CNTNAP2: variants seen among roughly 807,000 people sequenced by gnomAD.
CNTNAP2 encodes the protein contactin-associated protein-like 2.
CNTNAP2 carries 98 observed loss-of-function variants against 155.2 expected under a neutral mutation model. The observed-to-expected ratio is 0.63, with a 90% CI of 0.54 to 0.75. The LOEUF (loss-of-function observed/expected upper bound fraction) is 0.75, where lower values mean the gene tolerates loss of function less well. CNTNAP2 is among the 30% of genes least tolerant of loss of function. The pLI is 0.00. For missense variants in CNTNAP2, 1,727 were observed against 1,688.1 expected (o/e 1.02, Z -0.40); for synonymous variants, 651 against 631.2 (o/e 1.03, Z -0.47).
At chr7:148,366,685 A>G (rs375876835) in intron 21 of CNTNAP2, among the ~76,000 whole-genome samples, 1 of 152,236 alleles carries the variant, frequency 6.6e-6, no homozygotes, top group East Asian at 1.9e-4. Flanking sequence ...GAATGCTGGT[A>G]GAGATAACAA....
intron 3 of CNTNAP2, among the ~76,000 whole-genome samples, chr7:147,020,381 G>A (rs1798798256): frequency 6.6e-6 from 1 of 152,142 alleles, no homozygotes. Context: ...CAGGGTTAAA[G>A]GGTCTAGTCT....
chr7:147,425,226 AT>A (rs1458667055), intron 10 of CNTNAP2, among the ~76,000 whole-genome samples: 1 of 142,164 alleles, frequency 7.0e-6, no homozygotes, highest in Non-Finnish European at 1.5e-5. Context: ...AAAAAAAAAA[AT>A]TGTTATTCTC....
intron 14 of CNTNAP2, among the ~76,000 whole-genome samples, chr7:147,904,226 CCTGT>C (rs1339477118): frequency 6.6e-6 from 1 of 152,168 alleles, no homozygotes; most frequent in African/African-American, 2.4e-5. Context: ...TAAGTGCTTG[CCTGT>C]CTACTTTTCT....
chr7:146,607,845 A>G (rs1799073207), intron 1 of CNTNAP2, among the ~76,000 whole-genome samples: 1 of 151,984 alleles, frequency 6.6e-6, no homozygotes, highest in Admixed American at 6.6e-5. Flanking sequence ...TCCAAACCTA[A>G]AATTTTCCCT....
At position 148,005,191 on chromosome 7, in the gene CNTNAP2, C is replaced by T. The variant is rs751220120; in HGVS notation, c.2383+27202C>T. On this transcript the variant is annotated intron_variant, in intron 15 of 23. Transcript: ENST00000361727. ...AAGGTCAGGCTCTGGTGAGGGCACT[C>T]GTCTCGGTAGCAGTCTGCCAACTTC... Among the ~76,000 whole-genome samples the T allele has an allele frequency of 5.3e-5, 8 of 152,112 alleles. No homozygotes were observed. The East Asian group carries it at 9.6e-4, about 18-fold the overall frequency.
chr7:148,021,631 C>G (rs1215416452), intron 15 of CNTNAP2, among the ~76,000 whole-genome samples: 1 of 152,216 alleles, frequency 6.6e-6, no homozygotes, highest in African/African-American at 2.4e-5. Flanking sequence ...GCGCTAGCCC[C>G]TGGGGATCCA....
chr7:146,379,669 A>G (rs763883815), intron 1 of CNTNAP2, among the ~76,000 whole-genome samples: 3 of 152,130 alleles, frequency 2.0e-5, no homozygotes, highest in South Asian at 4.1e-4. Flanking sequence ...TCTTGTGGAC[A>G]TTACATTCTC....
chr7:147,789,308 C>T (rs1339807059), intron 13 of CNTNAP2, among the ~76,000 whole-genome samples: 1 of 152,170 alleles, frequency 6.6e-6, no homozygotes, highest in Non-Finnish European at 1.5e-5. Context: ...CACAAACAAC[C>T]TTTCACTTCC....
chr7:146,537,798 G>A (rs948767805), intron 1 of CNTNAP2, among the ~76,000 whole-genome samples: 17 of 152,216 alleles, frequency 1.1e-4, no homozygotes, highest in Middle Eastern at 3.4e-3. Flanking sequence ...TAACAGGCCA[G>A]TAAGACTTGG....
At chr7:147,829,071 A>T (rs939202375) in intron 13 of CNTNAP2, among the ~76,000 whole-genome samples, 1 of 152,158 alleles carries the variant, frequency 6.6e-6, no homozygotes, top group African/African-American at 2.4e-5. Context: ...AAAATAATTT[A>T]TTGAGCCTTT....
At chr7:147,528,892 C>G (rs1229147458) in intron 11 of CNTNAP2, among the ~76,000 whole-genome samples, 1 of 152,176 alleles carries the variant, frequency 6.6e-6, no homozygotes, top group Non-Finnish European at 1.5e-5. Context: ...AAATGACACA[C>G]AGTAGATGAG....
At chr7:147,711,750 G>C (rs1404612831) in intron 13 of CNTNAP2, among the ~76,000 whole-genome samples, 9 of 152,138 alleles carry the variant, frequency 5.9e-5, no homozygotes, top group Non-Finnish European at 1.2e-4. Context: ...CTATTATTAA[G>C]ACAATCAGCT....
intron 1 of CNTNAP2, among the ~76,000 whole-genome samples, chr7:146,633,844 A>AAAAAAAAAAAAAC (rs1563165268): frequency 2.0e-5 from 3 of 151,040 alleles, no homozygotes; most frequent in African/African-American, 7.3e-5. Flanking sequence ...AAAAAAAAAA[A>AAAAAAAAAAAAAC]AAAAAAAAAA....
chr7:148,106,520 A>ATATATATG (rs2116589915), intron 15 of CNTNAP2, among the ~76,000 whole-genome samples: 1 of 142,834 alleles, frequency 7.0e-6, no homozygotes, highest in African/African-American at 2.6e-5. Flanking sequence ...ATATATATAT[A>ATATATATG]CATATTTTTT....
chr7:146,157,337 C>T (rs557269338), intron 1 of CNTNAP2, among the ~76,000 whole-genome samples: 28 of 152,274 alleles, frequency 1.8e-4, no homozygotes, highest in East Asian at 5.8e-4. Flanking sequence ...GCGTGAGCAA[C>T]GCAGAAGATG....
At chr7:146,453,024 A>G (rs564505843) in intron 1 of CNTNAP2, among the ~76,000 whole-genome samples, 1 of 152,328 alleles carries the variant, frequency 6.6e-6, no homozygotes, top group Non-Finnish European at 1.5e-5. Context: ...ATGCAGGTCC[A>G]GGAGGTTGTC....
chr7:147,121,257 C>T (rs1563083951), intron 6 of CNTNAP2, 94 bp downstream of exon 6: 2 of 1,224,342 alleles, frequency 1.6e-6, no homozygotes, highest in African/African-American at 1.5e-5. Flanking sequence ...TTACTACTTA[C>T]ACCTTTTTTA....
intron 21 of CNTNAP2, among the ~76,000 whole-genome samples, chr7:148,273,355 ACT>A (rs1796816275): frequency 6.6e-6 from 1 of 152,162 alleles, no homozygotes. Flanking sequence ...GATATAAAAC[ACT>A]GTTATGATGC....
chr7:146,954,676 A>G (rs1433969321), intron 3 of CNTNAP2, among the ~76,000 whole-genome samples: 2 of 151,774 alleles, frequency 1.3e-5, no homozygotes, highest in Non-Finnish European at 3.0e-5. Flanking sequence ...TAATTGATCA[A>G]TATTTTCTTT....
Sources: gnomAD v4.1 joint callset for allele counts (sites outside exome capture counted in the v4.1 genomes callset) on GRCh38, gnomAD v4.1.1 for gene constraint, MANE v1.5 for transcripts, NCBI Gene and HGNC (gene_info 2026-07-23, HGNC 2026-07-21) for gene names.